KCTD16: variants seen among roughly 807,000 people sequenced by gnomAD.
KCTD16 encodes the protein potassium channel tetramerization domain containing 16, also known as BTB/POZ domain-containing protein KCTD16.
In KCTD16, 13 loss-of-function variants were observed where a neutral mutation model predicts 33.2. The ratio of observed to expected loss-of-function variants is 0.39; its 90% CI spans 0.25 to 0.62. The LOEUF (loss-of-function observed/expected upper bound fraction) is 0.62. Among genes scored for constraint, KCTD16 ranks in the 20% least tolerant of loss-of-function variants. The pLI, the probability that KCTD16 is intolerant of heterozygous loss-of-function variation, is 0.50. For synonymous variants in KCTD16, 197 were observed against 195.3 expected, an observed-to-expected ratio of 1.01 and a Z score of -0.07; for missense variants, 441 against 525.1, an observed-to-expected ratio of 0.84 and a Z score of 1.57.
At chr5:144,408,154 A>C (rs1752853079) in intron 3 of KCTD16, among the ~76,000 whole-genome samples, 1 of 152,210 alleles carries the variant, frequency 6.6e-6, no homozygotes, top group African/African-American at 2.4e-5. Context: ...AATTGACTGC[A>C]TATTTTTAAG....
intron 3 of KCTD16, among the ~76,000 whole-genome samples, chr5:144,344,916 T>A (rs946449793): frequency 6.6e-6 from 1 of 151,674 alleles, no homozygotes; most frequent in African/African-American, 2.4e-5. Flanking sequence ...GTATGTTTAT[T>A]GCGGCACTAT....
intron 3 of KCTD16, chr5:144,439,246 A>C: frequency 3.7e-6 from 1 of 273,920 alleles, no homozygotes; most frequent in Non-Finnish European, 7.3e-6. Context: ...AAATACAATG[A>C]TGAGGGGTTT....
Position 144,335,140 on chromosome 5 carries a change from G to C in KCTD16, c.832+127594G>C, listed in dbSNP as rs1752454686. ...TACATGGTGTCAATCTTTAGCAATT[G>C]TGAGTGAGCCTTCAGCACTCTCCAA... On this transcript the variant is annotated intron_variant, in intron 3 of 3. Transcript: ENST00000512467. 2.6e-5 allele frequency among the ~76,000 whole-genome samples: 4 copies of C among 152,166 alleles called. No homozygotes were observed. The South Asian group carries it at 8.3e-4, about 32-fold the overall frequency.
At position 144,254,168 on chromosome 5, in the gene KCTD16, C is replaced by T. The variant is rs534448309; in HGVS notation, c.832+46622C>T. Among the ~76,000 whole-genome samples the T allele has an allele frequency of 2.0e-5, 3 of 151,788 alleles. No homozygotes were observed. The East Asian group carries it at 5.8e-4, about 29-fold the overall frequency. On this transcript the variant is annotated intron_variant, in intron 3 of 3. Transcript: ENST00000512467. ...TTTTATTTTTTTTGAGACGGAGTCT[C>T]GCTCTGTCGCCCAGGCTGTCGTGCA... is the stretch of plus-strand genomic sequence containing the variant.
At chr5:144,209,834 ATATATT>A (rs1383619713) in intron 3 of KCTD16, among the ~76,000 whole-genome samples, 9 of 146,664 alleles carry the variant, frequency 6.1e-5, no homozygotes, top group African/African-American at 2.2e-4. Flanking sequence ...ATAAATATAT[ATATATT>A]TATATGTGTA....
chr5:144,321,446 G>A (rs899887922), intron 3 of KCTD16, among the ~76,000 whole-genome samples: 4 of 152,056 alleles, frequency 2.6e-5, no homozygotes, highest in African/African-American at 9.7e-5. Context: ...CAATCCCTTC[G>A]TAGTACATAG....
intron 3 of KCTD16, among the ~76,000 whole-genome samples, chr5:144,330,138 A>G (rs1188983167): frequency 1.3e-5 from 2 of 152,090 alleles, no homozygotes; most frequent in Non-Finnish European, 1.5e-5. Context: ...CTAGGCCAGG[A>G]GTGGTGGCTC....
At chr5:144,350,941 C>T (rs969338041) in intron 3 of KCTD16, among the ~76,000 whole-genome samples, 1 of 151,924 alleles carries the variant, frequency 6.6e-6, no homozygotes, top group Non-Finnish European at 1.5e-5. Context: ...ATTCCATTAA[C>T]CCCAAATCCA....
intron 3 of KCTD16, among the ~76,000 whole-genome samples, chr5:144,238,333 C>T (rs984216069): frequency 1.3e-5 from 2 of 152,140 alleles, no homozygotes; most frequent in African/African-American, 2.4e-5. Context: ...TCAGGGACTT[C>T]TTTCTCAATG....
At chr5:144,223,767 C>T (rs771287297) in intron 3 of KCTD16, among the ~76,000 whole-genome samples, 2 of 151,908 alleles carry the variant, frequency 1.3e-5, no homozygotes, top group Non-Finnish European at 2.9e-5. Context: ...TTCCTGACTT[C>T]GAGTTGCTAG....
chr5:144,246,919 T>C (rs1382747076), intron 3 of KCTD16, among the ~76,000 whole-genome samples: 4 of 152,192 alleles, frequency 2.6e-5, no homozygotes, highest in Non-Finnish European at 5.9e-5. Context: ...ATACATTGGT[T>C]TGGCTCTCAG....
At chr5:144,190,846 C>A (rs1752826697) in intron 2 of KCTD16, among the ~76,000 whole-genome samples, 1 of 152,130 alleles carries the variant, frequency 6.6e-6, no homozygotes, top group Non-Finnish European at 1.5e-5. Context: ...TGTGGAATCC[C>A]CATTGCCTAT....
At chr5:144,352,258 C>A (rs1057359112) in intron 3 of KCTD16, among the ~76,000 whole-genome samples, 19 of 152,162 alleles carry the variant, frequency 1.2e-4, no homozygotes, top group Non-Finnish European at 2.6e-4. Context: ...ACTGTTGATT[C>A]TCTAGGCTTG....
intron 3 of KCTD16, among the ~76,000 whole-genome samples, chr5:144,258,848 T>A (rs889222772): frequency 1.3e-5 from 2 of 152,170 alleles, no homozygotes; most frequent in African/African-American, 4.8e-5. Context: ...TTCATTTGCT[T>A]ACCTGCAGAG....
At chr5:144,432,283 A>G (rs1316901138) in intron 3 of KCTD16, among the ~76,000 whole-genome samples, 1 of 152,142 alleles carries the variant, frequency 6.6e-6, no homozygotes, top group African/African-American at 2.4e-5. Context: ...AGCTCCTTTT[A>G]TGTGGTAGGA....
At chr5:144,313,303 T>G (rs1173798665) in intron 3 of KCTD16, among the ~76,000 whole-genome samples, 1 of 152,198 alleles carries the variant, frequency 6.6e-6, no homozygotes, top group Non-Finnish European at 1.5e-5. Context: ...CTGCTAGACA[T>G]AACCAGCCAT....
At chr5:144,224,387 T>TG (rs1337192405) in intron 3 of KCTD16, among the ~76,000 whole-genome samples, 6 of 145,534 alleles carry the variant, frequency 4.1e-5, no homozygotes, top group Non-Finnish European at 7.5e-5. Flanking sequence ...TAATGTGTTT[T>TG]TTTTTTTTTT....
intron 3 of KCTD16, chr5:144,369,456 A>G (rs1390373236): frequency 1.3e-5 from 2 of 152,172 alleles, no homozygotes; most frequent in East Asian, 1.9e-4. Flanking sequence ...CCTGTAGTCA[A>G]CACGTAATAT....
At position 144,480,644 on chromosome 5, in the gene KCTD16, C is replaced by A. The variant is rs1334652254; in HGVS notation, c.*6530C>A. On this transcript the variant is annotated 3_prime_UTR_variant, in exon 4 of 4. Transcript: ENST00000512467. ...TCTCAACCAGGAGTGGTTTTGCATACCAGAGATCTTTTGGCAATGCCTGGA... is the reference window on the plus strand; with the variant it reads ...TCTCAACCAGGAGTGGTTTTGCATAACAGAGATCTTTTGGCAATGCCTGGA... The A allele has an allele frequency of 6.6e-6, 1 of 151,732 alleles. No individual in the cohort carries two copies. Among genetic ancestry groups the A allele is most frequent in the Non-Finnish European group, 1.5e-5 (1 of 67,898 alleles). 9.4% of individuals were successfully genotyped at this position (151,732 alleles called of 1,614,324 possible).
Sources: gnomAD v4.1 joint callset for allele counts (sites outside exome capture counted in the v4.1 genomes callset) on GRCh38, gnomAD v4.1.1 for gene constraint, MANE v1.5 for transcripts, NCBI Gene and HGNC (gene_info 2026-07-23, HGNC 2026-07-21) for gene names.